NRG3: variants seen among roughly 807,000 people sequenced by gnomAD.
The protein encoded by NRG3 is neuregulin 3.
Under a neutral mutation model 66.9 loss-of-function variants are expected in NRG3, and 31 were observed. The ratio of observed to expected loss-of-function variants is 0.46; its 90% CI spans 0.35 to 0.63. NRG3 has a LOEUF of 0.63. Ranked by LOEUF, NRG3 falls within the 20% of genes least tolerant of loss-of-function variation. The probability of loss-of-function intolerance (pLI) is 0.00; values close to 1 mark genes in which losing one functional copy is unlikely to be tolerated. For synonymous variants in NRG3, 393 were observed against 359.4 expected, an observed-to-expected ratio of 1.09 and a Z score of -1.06; for missense variants, 910 against 878.9, an observed-to-expected ratio of 1.04 and a Z score of -0.45.
chr10:82,199,725 C>G (rs1236629729), intron 1 of NRG3, among the ~76,000 whole-genome samples: 1 of 151,898 alleles, frequency 6.6e-6, no homozygotes, highest in African/African-American at 2.4e-5. Flanking sequence ...CCTATAAAAC[C>G]AGACTTAGAT....
intron 2 of NRG3, among the ~76,000 whole-genome samples, chr10:82,585,205 C>G (rs1180107889): frequency 6.6e-6 from 1 of 151,592 alleles, no homozygotes; most frequent in Admixed American, 6.6e-5. Context: ...TCCAAATAAG[C>G]CTTTCTAATT....
At chr10:81,930,873 A>T (rs1329812619) in intron 1 of NRG3, among the ~76,000 whole-genome samples, 2 of 152,182 alleles carry the variant, frequency 1.3e-5, no homozygotes, top group African/African-American at 4.8e-5. Context: ...ACTCAGATTC[A>T]TCTATAAGTT....
chr10:82,810,773 A>G (rs983686587), intron 3 of NRG3, among the ~76,000 whole-genome samples: 3 of 151,688 alleles, frequency 2.0e-5, no homozygotes, highest in African/African-American at 2.4e-5. Flanking sequence ...AGCGACTGCA[A>G]TAGTCCAAGC....
chr10:82,796,894 T>C (rs919412556), intron 3 of NRG3, among the ~76,000 whole-genome samples: 1 of 151,964 alleles, frequency 6.6e-6, no homozygotes, highest in Admixed American at 6.6e-5. Context: ...AACAGAATGA[T>C]GCAGACAAGG....
chr10:82,527,462 G>T (rs1440412889), intron 2 of NRG3, among the ~76,000 whole-genome samples: 1 of 152,160 alleles, frequency 6.6e-6, no homozygotes, highest in Non-Finnish European at 1.5e-5. Flanking sequence ...TGACATGTTG[G>T]CTGTGTTCTG....
chr10:82,530,140 A>C (rs1465095245), intron 2 of NRG3, among the ~76,000 whole-genome samples: 1 of 152,138 alleles, frequency 6.6e-6, no homozygotes, highest in African/African-American at 2.4e-5. Flanking sequence ...TAAGAGTTCA[A>C]AATGAATATT....
At chr10:82,804,878 T>A (rs530720705) in intron 3 of NRG3, among the ~76,000 whole-genome samples, 1 of 152,344 alleles carries the variant, frequency 6.6e-6, no homozygotes, top group South Asian at 2.1e-4. Flanking sequence ...CTACAGAAGT[T>A]ACCAAATGTG....
intron 2 of NRG3, among the ~76,000 whole-genome samples, chr10:82,458,409 A>C (rs1398915725): frequency 6.6e-6 from 1 of 152,210 alleles, no homozygotes; most frequent in Non-Finnish European, 1.5e-5. Context: ...GGGTACAAAG[A>C]TGAACTCCAT....
intron 1 of NRG3, among the ~76,000 whole-genome samples, chr10:82,265,758 G>A (rs1041394317): frequency 6.6e-6 from 1 of 152,144 alleles, no homozygotes; most frequent in African/African-American, 2.4e-5. Flanking sequence ...ATCAGAGGAT[G>A]GTGGTGGGGA....
intron 3 of NRG3, among the ~76,000 whole-genome samples, chr10:82,806,975 T>G (rs991998962): frequency 2.0e-5 from 3 of 152,240 alleles, no homozygotes; most frequent in African/African-American, 7.2e-5. Context: ...CACTATATTT[T>G]ATTTCAACTG....
intron 1 of NRG3, among the ~76,000 whole-genome samples, chr10:82,245,988 T>C (rs868596402): frequency 8.0e-6 from 1 of 125,544 alleles, no homozygotes; most frequent in South Asian, 2.4e-4. Context: ...GTTTTTTTTT[T>C]TTTTTTTTTT....
At chr10:82,055,360 T>G (rs1589937230) in intron 1 of NRG3, among the ~76,000 whole-genome samples, 1 of 150,278 alleles carries the variant, frequency 6.7e-6, no homozygotes, top group Non-Finnish European at 1.5e-5. Flanking sequence ...GCCTGTAATC[T>G]CAGCTACTCG....
intron 1 of NRG3, among the ~76,000 whole-genome samples, chr10:81,994,550 T>A (rs1163736183): frequency 6.6e-6 from 1 of 151,266 alleles, no homozygotes; most frequent in Non-Finnish European, 1.5e-5. Context: ...CTTTTTTTTT[T>A]CCTTGCATAA....
intron 2 of NRG3, among the ~76,000 whole-genome samples, chr10:82,648,022 G>C (rs1485456132): frequency 6.7e-6 from 1 of 148,506 alleles, no homozygotes; most frequent in Non-Finnish European, 1.5e-5. Context: ...GATCCCATTT[G>C]TCAATTTTGG....
chr10:82,476,815 A>G lies in NRG3; in HGVS notation c.953+117947A>G, dbSNP rs115088485. 9.0e-3 allele frequency among the ~76,000 whole-genome samples: 1,374 copies of G among 152,288 alleles called. 18 individuals carry two copies. Among genetic ancestry groups the G allele is most frequent in the African/African-American group, 0.031 (1,298 of 41,558 alleles). On this transcript the variant is annotated intron_variant, in intron 2 of 8. Transcript: ENST00000372141. ...GTCACACAACAATGTACTTAATACC[A>G]CTGAAGAGTATACTTAAAAATGGTT...
chr10:82,501,621 G>C (rs1020602203), intron 2 of NRG3, among the ~76,000 whole-genome samples: 1 of 152,038 alleles, frequency 6.6e-6, no homozygotes, highest in Non-Finnish European at 1.5e-5. Context: ...GCCCTTCTCA[G>C]TGGCAAGGCT....
chr10:82,512,047 C>T lies in NRG3; in HGVS notation c.953+153179C>T, dbSNP rs568109761. Among the ~76,000 whole-genome samples, 11 of 151,784 alleles carry T rather than the reference C, an allele frequency of 7.2e-5. No individual in the cohort carries two copies. The East Asian group carries it at 1.2e-3, about 16-fold the overall frequency. On this transcript the variant is annotated intron_variant, in intron 2 of 8. Transcript: ENST00000372141. ...TGTGCCTATATTCTCCAATGAATAT[C>T]GAAGATAATTTTCTGGTATATTTTC...
At chr10:82,084,333 T>A (rs952433334) in intron 1 of NRG3, among the ~76,000 whole-genome samples, 3 of 152,164 alleles carry the variant, frequency 2.0e-5, no homozygotes, top group African/African-American at 4.8e-5. Flanking sequence ...GTATATTCAT[T>A]AGAGTCCTAA....
intron 3 of NRG3, among the ~76,000 whole-genome samples, chr10:82,813,371 A>T (rs989216247): frequency 6.6e-6 from 1 of 151,250 alleles, no homozygotes; most frequent in Non-Finnish European, 1.5e-5. Flanking sequence ...CCACCACCAC[A>T]CCTGGCTAAT....
Sources: allele counts gnomAD v4.1 joint callset (sites outside exome capture counted in the v4.1 genomes callset), GRCh38; gene constraint gnomAD v4.1.1; transcripts MANE v1.5; gene names NCBI Gene and HGNC (gene_info 2026-07-23, HGNC 2026-07-21).